The following ADAMTS6 variants were observed in gnomAD, a reference collection of about 807,000 sequenced individuals.
ADAMTS6 encodes the protein ADAM metallopeptidase with thrombospondin type 1 motif 6.
ADAMTS6 carries 23 observed loss-of-function variants against 144.3 expected under a neutral mutation model. The ratio of observed to expected loss-of-function variants is 0.16; its 90% CI spans 0.11 to 0.23. The LOEUF is 0.23. Ranked by LOEUF, ADAMTS6 falls within the 10% of genes least tolerant of loss-of-function variation. ADAMTS6 has a pLI of 1.00. For synonymous variants in ADAMTS6, 444 were observed against 457.5 expected, an observed-to-expected ratio of 0.97 and a Z score of 0.38; for missense variants, 999 against 1,379.6, an observed-to-expected ratio of 0.72 and a Z score of 4.37.
At chr5:65,359,021 C>A (rs1311562266) in intron 7 of ADAMTS6, among the ~76,000 whole-genome samples, 1 of 152,012 alleles carries the variant, frequency 6.6e-6, no homozygotes, top group African/African-American at 2.4e-5. Flanking sequence ...CAAAAGCAGA[C>A]AATAGGACAG....
At chr5:65,398,819 A>G (rs1274236346) in intron 7 of ADAMTS6, among the ~76,000 whole-genome samples, 1 of 137,592 alleles carries the variant, frequency 7.3e-6, no homozygotes, top group Non-Finnish European at 1.5e-5. Context: ...AAAGAAAGAA[A>G]GAAAGAAAGA....
At chr5:65,391,038 A>T (rs931707102) in intron 7 of ADAMTS6, among the ~76,000 whole-genome samples, 4 of 150,572 alleles carry the variant, frequency 2.7e-5, no homozygotes, top group Admixed American at 2.0e-4. Context: ...CACCCACCTC[A>T]GCCCCCCAAC....
intron 11 of ADAMTS6, among the ~76,000 whole-genome samples, chr5:65,289,153 G>A (rs1480296970): frequency 6.6e-6 from 1 of 152,134 alleles, no homozygotes; most frequent in Non-Finnish European, 1.5e-5. Context: ...AAACTGTGTA[G>A]GTCTGTAAGA....
At chr5:65,399,273 T>C (rs566076580) in intron 7 of ADAMTS6, among the ~76,000 whole-genome samples, 2 of 152,348 alleles carry the variant, frequency 1.3e-5, no homozygotes, top group South Asian at 2.1e-4. Context: ...AGTGGACTTC[T>C]TGTAGACAAC....
chr5:65,322,520 T>C (rs1005526938), intron 9 of ADAMTS6, among the ~76,000 whole-genome samples: 9 of 152,104 alleles, frequency 5.9e-5, no homozygotes, highest in Non-Finnish European at 1.3e-4. Flanking sequence ...TGTTTTTCAT[T>C]TGTCTGTGTC....
intron 7 of ADAMTS6, among the ~76,000 whole-genome samples, chr5:65,387,406 C>T (rs1752564214): frequency 6.6e-6 from 1 of 152,000 alleles, no homozygotes; most frequent in South Asian, 2.1e-4. Context: ...ATTCTATATC[C>T]AGCACAGGAC....
chr5:65,222,539 A>T (rs1278210603), intron 18 of ADAMTS6, among the ~76,000 whole-genome samples: 1 of 152,110 alleles, frequency 6.6e-6, no homozygotes, highest in Non-Finnish European at 1.5e-5. Flanking sequence ...TTAAGTCTTA[A>T]GTCATTACTC....
At chr5:65,323,071 A>G (rs1382910203) in intron 9 of ADAMTS6, among the ~76,000 whole-genome samples, 1 of 152,170 alleles carries the variant, frequency 6.6e-6, no homozygotes, top group East Asian at 1.9e-4. Context: ...CAAAGGCATT[A>G]AAAGAAAATT....
chr5:65,477,083 C>T (rs908416041), intron 1 of ADAMTS6, among the ~76,000 whole-genome samples: 20 of 152,142 alleles, frequency 1.3e-4, no homozygotes, highest in Middle Eastern at 3.2e-3. Flanking sequence ...TATTCAATAA[C>T]GGCAATAAGA....
chr5:65,415,832 C>T (rs1755463000), intron 7 of ADAMTS6: 1 of 248,854 alleles, frequency 4.0e-6, no homozygotes, highest in Admixed American at 5.1e-5. Context: ...TCCATTGTCC[C>T]TGTGTGCACA....
chr5:65,421,049 A>T (rs1308749380), intron 7 of ADAMTS6, among the ~76,000 whole-genome samples: 1 of 152,214 alleles, frequency 6.6e-6, no homozygotes, highest in Non-Finnish European at 1.5e-5. Context: ...TAAGTGGAGC[A>T]TTTAGAACAT....
chr5:65,158,792 G>C (rs190270088), intron 24 of ADAMTS6, among the ~76,000 whole-genome samples: 34 of 152,230 alleles, frequency 2.2e-4, no homozygotes, highest in African/African-American at 7.2e-4. Context: ...AGCAGATGTT[G>C]AACACAGCAA....
chr5:65,201,809 G>C (rs1561274964), intron 20 of ADAMTS6, among the ~76,000 whole-genome samples: 2 of 152,088 alleles, frequency 1.3e-5, no homozygotes, highest in Non-Finnish European at 2.9e-5. Context: ...AAATGTGTCT[G>C]GTGGCTAAGG....
At chr5:65,245,767 C>G (rs929066603) in intron 14 of ADAMTS6, among the ~76,000 whole-genome samples, 1 of 152,032 alleles carries the variant, frequency 6.6e-6, no homozygotes, top group East Asian at 1.9e-4. Context: ...GTCTCTGTTG[C>G]AACTACTCAA....
At chr5:65,458,131 T>C (rs1759365326) in intron 4 of ADAMTS6, among the ~76,000 whole-genome samples, 2 of 152,188 alleles carry the variant, frequency 1.3e-5, no homozygotes, top group Admixed American at 6.5e-5. Context: ...TTACTCAATA[T>C]AAAGACCCAA....
chr5:65,406,360 G>T lies in ADAMTS6; in HGVS notation c.1073+45115C>A, dbSNP rs898254231. Among the ~76,000 whole-genome samples the T allele has an allele frequency of 4.0e-5, 6 of 151,766 alleles. No homozygotes were observed. The South Asian group carries it at 6.2e-4, about 16-fold the overall frequency. ...TATTCAGAGTTTTTAGCATGAAGGGGTGTTGAATTTTGTCAAAGGCCTTTT... is the reference window on the plus strand; with the variant it reads ...TATTCAGAGTTTTTAGCATGAAGGGTTGTTGAATTTTGTCAAAGGCCTTTT... On this transcript the variant is annotated intron_variant, in intron 7 of 24. Transcript: ENST00000381055.
intron 14 of ADAMTS6, among the ~76,000 whole-genome samples, chr5:65,250,520 G>T (rs539068449): frequency 1.3e-5 from 2 of 152,252 alleles, no homozygotes; most frequent in Non-Finnish European, 2.9e-5. Context: ...ACACACCCAA[G>T]TACTACATAA....
chr5:65,442,201 A>G (rs896709629), intron 7 of ADAMTS6, among the ~76,000 whole-genome samples: 3 of 152,096 alleles, frequency 2.0e-5, no homozygotes, highest in Non-Finnish European at 2.9e-5. Flanking sequence ...CAAAAGACAA[A>G]AACTACCAAT....
intron 7 of ADAMTS6, among the ~76,000 whole-genome samples, chr5:65,380,196 A>T (rs1751917518): frequency 6.6e-6 from 1 of 152,076 alleles, no homozygotes; most frequent in African/African-American, 2.4e-5. Context: ...TTGCTTTTTA[A>T]ATTTAGTTAT....
Sources: gnomAD v4.1 joint callset for allele counts (sites outside exome capture counted in the v4.1 genomes callset) on GRCh38, gnomAD v4.1.1 for gene constraint, MANE v1.5 for transcripts, NCBI Gene and HGNC (gene_info 2026-07-23, HGNC 2026-07-21) for gene names.